GALM: variants seen among roughly 807,000 people sequenced by gnomAD.
GALM encodes aldose 1-epimerase.
GALM carries 43 observed loss-of-function variants against 37.4 expected under a neutral mutation model. That is an observed-to-expected ratio of 1.15 (90% confidence interval 0.90 to 1.48). The LOEUF (loss-of-function observed/expected upper bound fraction) is 1.48, where lower values mean the gene tolerates loss of function less well. Ranked by LOEUF, GALM falls within the 40% of genes most tolerant of loss-of-function variation. The pLI, the probability that GALM is intolerant of heterozygous loss-of-function variation, is 0.00. For synonymous variants in GALM, 199 were observed against 170.6 expected, an observed-to-expected ratio of 1.17 and a Z score of -1.30; for missense variants, 456 against 419.1, an observed-to-expected ratio of 1.09 and a Z score of -0.77.
At chr2:38,676,627 G>A (rs562783835) in intron 2 of GALM, among the ~76,000 whole-genome samples, 1 of 152,170 alleles carries the variant, frequency 6.6e-6, no homozygotes, top group African/African-American at 2.4e-5. Flanking sequence ...GCTGGGTGTG[G>A]TGGCGGCCAC....
At chr2:38,704,570 T>A (rs1451817871) in intron 4 of GALM, among the ~76,000 whole-genome samples, 1 of 151,726 alleles carries the variant, frequency 6.6e-6, no homozygotes, top group African/African-American at 2.4e-5. Flanking sequence ...CAGCTACTTA[T>A]GAGGCTGAGG....
intron 4 of GALM, among the ~76,000 whole-genome samples, chr2:38,700,549 C>A (rs1489776153): frequency 1.3e-5 from 2 of 152,036 alleles, no homozygotes; most frequent in Non-Finnish European, 2.9e-5. Context: ...AGTACAGCTA[C>A]CCTGCTTGCT....
At chr2:38,682,726 G>A (rs1459786459) in intron 3 of GALM, among the ~76,000 whole-genome samples, 7 of 151,804 alleles carry the variant, frequency 4.6e-5, no homozygotes, top group South Asian at 2.1e-4. Flanking sequence ...GTGAAACCCC[G>A]TCTCTACTAA....
chr2:38,711,461 T>C (rs1397331037), intron 4 of GALM, among the ~76,000 whole-genome samples: 1 of 152,000 alleles, frequency 6.6e-6, no homozygotes, highest in Non-Finnish European at 1.5e-5. Context: ...ACACCTGGCC[T>C]TACAGATAGC....
At chr2:38,731,667 T>G in intron 5 of GALM, 68 bp from the exon 6 acceptor site, 1 of 1,239,372 alleles carries the variant, frequency 8.1e-7, no homozygotes, top group East Asian at 2.3e-5. Flanking sequence ...TCAAAGCCGC[T>G]TCCCAGCTTC....
intron 4 of GALM, among the ~76,000 whole-genome samples, chr2:38,726,944 G>A (rs904559774): frequency 6.6e-6 from 1 of 151,012 alleles, no homozygotes; most frequent in Non-Finnish European, 1.5e-5. Flanking sequence ...TAAAAATTTG[G>A]CCAGATCACA....
intron 4 of GALM, among the ~76,000 whole-genome samples, chr2:38,716,933 G>A (rs1380019313): frequency 6.6e-6 from 1 of 152,184 alleles, no homozygotes; most frequent in Non-Finnish European, 1.5e-5. Context: ...AGGCAGAAAT[G>A]CACCTTCCTT....
Position 38,686,231 on chromosome 2 carries a change from T to TCCTTC in GALM, c.553-3581_553-3580insCTTCC, listed in dbSNP as rs201438260. Among the ~76,000 whole-genome samples the TCCTTC allele has an allele frequency of 8.5e-4, 28 of 32,904 alleles. 2 individuals are homozygous for TCCTTC. In the East Asian group the frequency reaches 0.014, roughly 16 times the overall value. The allele number at this position is 32,904 out of a possible 152,430, so 21.6% of individuals were successfully genotyped here. On this transcript the variant is annotated intron_variant, in intron 3 of 6. Coordinates refer to ENST00000272252, the MANE Select transcript of GALM (RefSeq NM_138801.3). The stretch of plus-strand genomic sequence containing the variant: ...CACAGAAAGTGGAAATTTCTTTCTT[T>TCCTTC]CTTTCTTTCTTTCTTTCTTTCTTTC...
At chr2:38,715,245 T>C (rs1398027168) in intron 4 of GALM, among the ~76,000 whole-genome samples, 14 of 152,226 alleles carry the variant, frequency 9.2e-5, no homozygotes, top group Non-Finnish European at 1.9e-4. Flanking sequence ...TTTCAGTCTA[T>C]GTGTCTTTAT....
intron 6 of GALM, 55 bp downstream of exon 6, chr2:38,731,964 C>A: frequency 7.3e-7 from 1 of 1,368,492 alleles, no homozygotes; most frequent in Non-Finnish European, 1.0e-6. Flanking sequence ...TCACACTGTA[C>A]GACAGAGTTC....
intron 1 of GALM, chr2:38,669,568 T>C (rs1293432520): frequency 1.3e-5 from 2 of 151,788 alleles, no homozygotes; most frequent in Admixed American, 1.3e-4. Context: ...CTCCTATGAG[T>C]TTTTCAACCT....
chr2:38,691,620 G>C (rs893490176), intron 4 of GALM, among the ~76,000 whole-genome samples: 22 of 152,126 alleles, frequency 1.4e-4, no homozygotes, highest in African/African-American at 5.3e-4. Flanking sequence ...GGAGTTGGAG[G>C]CTGCAGTGAG....
intron 4 of GALM, among the ~76,000 whole-genome samples, chr2:38,727,724 CAAA>C (rs565518448): frequency 6.4e-5 from 4 of 62,482 alleles, no homozygotes; most frequent in African/African-American, 1.2e-4. Flanking sequence ...GACTACGTCT[CAAA>C]AAAAAAAAAA....
intron 1 of GALM, among the ~76,000 whole-genome samples, chr2:38,671,964 T>G (rs926587468): frequency 6.6e-5 from 10 of 151,604 alleles, no homozygotes; most frequent in Non-Finnish European, 1.3e-4. Context: ...CCAGCCTAGG[T>G]GACAGAGAAA....
chr2:38,704,352 A>G (rs1443010022), intron 4 of GALM, among the ~76,000 whole-genome samples: 10 of 151,980 alleles, frequency 6.6e-5, no homozygotes, highest in Non-Finnish European at 1.5e-4. Context: ...GCATGCCCCC[A>G]TCATGCTCAG....
chr2:38,670,548 T>G (rs574626652), intron 1 of GALM, among the ~76,000 whole-genome samples: 65 of 152,288 alleles, frequency 4.3e-4, no homozygotes, highest in African/African-American at 1.5e-3. Flanking sequence ...CCCGGGCAAT[T>G]TACTTAAACT....
At chr2:38,715,243 T>C (rs1356209273) in intron 4 of GALM, among the ~76,000 whole-genome samples, 2 of 152,234 alleles carry the variant, frequency 1.3e-5, no homozygotes, top group African/African-American at 2.4e-5. Context: ...ACTTTCAGTC[T>C]ATGTGTCTTT....
chr2:38,715,430 G>A (rs1005651371), intron 4 of GALM, among the ~76,000 whole-genome samples: 5 of 152,110 alleles, frequency 3.3e-5, no homozygotes, highest in African/African-American at 9.7e-5. Flanking sequence ...GAATCAAGGC[G>A]TTTTTGTTGT....
intron 2 of GALM, chr2:38,680,151 T>A: frequency 2.3e-6 from 1 of 431,714 alleles, no homozygotes; most frequent in South Asian, 1.6e-5. Flanking sequence ...CCCGAGTAGC[T>A]AGGACTACAG....
Sources: gnomAD v4.1 joint callset for allele counts (sites outside exome capture counted in the v4.1 genomes callset) on GRCh38, gnomAD v4.1.1 for gene constraint, MANE v1.5 for transcripts, NCBI Gene and HGNC (gene_info 2026-07-23, HGNC 2026-07-21) for gene names.